The following FAT2 variants were observed in gnomAD, a reference collection of about 807,000 sequenced individuals.
The protein encoded by FAT2 is FAT atypical cadherin 2.
FAT2 carries 150 observed loss-of-function variants against 295.3 expected under a neutral mutation model. The observed-to-expected ratio is 0.51, with a 90% CI of 0.44 to 0.58. The LOEUF (loss-of-function observed/expected upper bound fraction) is 0.58. FAT2 is among the 20% of genes least tolerant of loss of function. FAT2 has a pLI of 0.00. For synonymous variants in FAT2, 2,026 were observed against 2,150.3 expected (o/e 0.94, Z 1.60); for missense variants, 4,868 against 5,442.7 (o/e 0.89, Z 3.32).
Position 151,544,806 on chromosome 5 carries a change from A to G in FAT2, c.6321T>C (p.Tyr2107=), listed in dbSNP as rs2127610568. 1 of 1,614,192 alleles carries G rather than the reference A, an allele frequency of 6.2e-7. No individual in the cohort carries two copies. The change falls in exon 10 of 24, where the codon TAT becomes TAC. Residue 2107 remains tyrosine (Y), a synonymous_variant. Transcript: ENST00000261800. ...EDLGTNGAVT[Y]EFAEDYTYFR... is the part of the protein sequence containing the mutation. ...AATATGTGTAATCTTCTGCAAATTC[A>G]TATGTAACAGCCCCATTTGTCCCCA...
chr5:151,564,853 A>G (rs924272003), intron 2 of FAT2, among the ~76,000 whole-genome samples: 7 of 151,996 alleles, frequency 4.6e-5, no homozygotes, highest in African/African-American at 1.7e-4. Flanking sequence ...CGGGTGGATC[A>G]CCTGAGGTCA....
At chr5:151,569,150 C>A (rs1251981839) in intron 1 of FAT2, among the ~76,000 whole-genome samples, 199 bp from the exon 2 acceptor site, 3 of 152,148 alleles carry the variant, frequency 2.0e-5, no homozygotes, top group Non-Finnish European at 4.4e-5. Flanking sequence ...AAACAACCTA[C>A]AATGCATAGG....
rs1756965617 is a variant in FAT2, at chr5:151,549,329, T to TC, written c.4754dup (p.Val1586SerfsTer4). 6.2e-7 allele frequency: 1 copy of TC among 1,613,412 alleles called. No homozygotes were observed. The highest frequency in any genetic ancestry group is 8.5e-7 in the Non-Finnish European group (1 of 1,180,000). ...GGGAGTAGTGGACCTCAGCATTGACTCCCCGGTCAGCATCCATGGCTCGGA... is the reference window on the plus strand; with the variant it reads ...GGGAGTAGTGGACCTCAGCATTGACTCCCCCGGTCAGCATCCATGGCTCGGA... On this transcript the variant is annotated frameshift_variant, in exon 9 of 24. Transcript: ENST00000261800. LOFTEE classifies it high-confidence loss of function.
intron 1 of FAT2, among the ~76,000 whole-genome samples, chr5:151,580,144 C>T (rs115995130): frequency 0.014 from 2,062 of 152,338 alleles, 46 homozygotes; most frequent in African/African-American, 0.048. Context: ...GCTCCCCATC[C>T]TGGCATTTTG....
chr5:151,568,190 G>A lies in FAT2; in HGVS notation c.742C>T (p.Pro248Ser), dbSNP rs3734061. The A allele has an allele frequency of 7.8e-3, 12,641 of 1,613,950 alleles. 67 individuals carry two copies. The highest frequency in any genetic ancestry group is 0.012 in the East Asian group (529 of 44,882). ...SLAALVVHVE[P>S]ALRKPPAIAS... ...ATGGCTGGGGGCTTCCTGAGGGCAGGCTCCACATGAACCACAAGTGCAGCC... is the reference window on the plus strand; with the variant it reads ...ATGGCTGGGGGCTTCCTGAGGGCAGACTCCACATGAACCACAAGTGCAGCC... Residue 248 changes from proline (P) to serine (S), a missense_variant, in exon 2 of 24, where the codon CCT (proline) becomes TCT (serine). Physicochemically the swap from Pro to Ser is moderately conservative, Grantham distance 74. Around this residue, in one of 5 missense-constraint regions of FAT2, gnomAD observed 3,297 missense variants for 3,669.4 expected, o/e 0.90. Transcript: ENST00000261800.
chr5:151,535,040 A>G (rs1051104603), intron 12 of FAT2, among the ~76,000 whole-genome samples: 2 of 147,196 alleles, frequency 1.4e-5, no homozygotes, highest in Admixed American at 6.8e-5. Context: ...ATAAAAATCT[A>G]TGTATAAGGA....
intron 22 of FAT2, among the ~76,000 whole-genome samples, chr5:151,508,060 G>T (rs551407964): frequency 7.9e-5 from 12 of 152,170 alleles, no homozygotes; most frequent in Non-Finnish European, 1.8e-4. Context: ...GTCCTGCACA[G>T]ATCAGCCACC....
chr5:151,507,931 C>T (rs1390247544), intron 22 of FAT2, among the ~76,000 whole-genome samples: 3 of 152,196 alleles, frequency 2.0e-5, no homozygotes, highest in Non-Finnish European at 4.4e-5. Flanking sequence ...GCAGTAGAGA[C>T]ATCGACTCTC....
intron 1 of FAT2, among the ~76,000 whole-genome samples, chr5:151,585,867 T>C (rs1759148487): frequency 6.6e-6 from 1 of 152,234 alleles, no homozygotes; most frequent in Admixed American, 6.5e-5. Flanking sequence ...TTGTGCCGAC[T>C]ATGCTAAACA....
intron 1 of FAT2, among the ~76,000 whole-genome samples, chr5:151,579,187 C>T (rs1758851988): frequency 6.6e-6 from 1 of 152,146 alleles, no homozygotes; most frequent in Admixed American, 6.5e-5. Context: ...ATCTATTGTA[C>T]AACATGGTAA....
In FAT2 at chr5:151,566,210, CAG is replaced by C; in HGVS notation, c.2720_2721del (p.Ser907CysfsTer3). 1 of 1,614,140 alleles carries C rather than the reference CAG, an allele frequency of 6.2e-7. No homozygotes were observed. Among genetic ancestry groups the C allele is most frequent in the Non-Finnish European group, 8.5e-7 (1 of 1,180,030 alleles). On this transcript the variant is annotated frameshift_variant, in exon 2 of 24. Transcript: ENST00000261800. LOFTEE classifies it high-confidence loss of function. ...TCCAATGTGATTATCAGGTCAGTGA[CAG>C]AGAAGAGCTGGTGGCCTTTGCTGGG... ...DQPSKGHQLFSVTDLIITLED... is the reference protein window; with the variant it reads ...DQPSKGHQLFXVTDLIITLED...
chr5:151,532,397 A>G lies in FAT2; in HGVS notation c.9428-427T>C, dbSNP rs1297941650. On this transcript the variant is annotated intron_variant, in intron 13 of 23. Transcript: ENST00000261800. ...TAAGTGTGCGTGTACAAACACACAC[A>G]CACACACACACACACACACACGCAA... 8.4e-5 allele frequency among the ~76,000 whole-genome samples: 3 copies of G among 35,528 alleles called. No individual in the cohort carries two copies. In the East Asian group the frequency reaches 2.7e-3, roughly 32 times the overall value. 23.3% of individuals were successfully genotyped at this position (35,528 alleles called of 152,430 possible). A position where few individuals can be genotyped will look rare whatever the true frequency, so the allele number is the denominator to read the frequency against.
chr5:151,538,000 A>G, intron 11 of FAT2, 54 bp from the exon 12 acceptor site: 1 of 1,521,446 alleles, frequency 6.6e-7, no homozygotes, highest in East Asian at 2.3e-5. Context: ...ATTCAGATCC[A>G]GAGAGAAGCA....
In FAT2 at chr5:151,507,460, G is replaced by A. The variant is rs768392091; in HGVS notation, c.12211C>T (p.Arg4071Cys). The change falls in exon 23 of 24, where the codon CGC (arginine) becomes TGC (cysteine). Residue 4071 changes from arginine to cysteine, a missense_variant. By Grantham distance (180) the Arg-to-Cys change is radical. Coordinates refer to ENST00000261800, the MANE Select transcript of FAT2 (RefSeq NM_001447.3). ...ISTVGLLFYC[R>C]RCKSHKPVAM... is the part of the protein sequence containing the mutation. ...ACAGGCTTGTGAGACTTGCAACGGC[G>A]GCAGTAGAAGAGAAGCCCGACAGTG... The A allele has an allele frequency of 1.2e-5, 20 of 1,614,016 alleles. No homozygotes were observed. The highest frequency in any genetic ancestry group is 3.3e-4 in the Middle Eastern group (2 of 6,084).
At chr5:151,550,257 G>A (rs931220506) in intron 8 of FAT2, among the ~76,000 whole-genome samples, 1 of 152,178 alleles carries the variant, frequency 6.6e-6, no homozygotes, top group African/African-American at 2.4e-5. Flanking sequence ...CTCTCAGTGG[G>A]AGAGGCTCTG....
chr5:151,587,660 A>G (rs1198782081), intron 1 of FAT2, among the ~76,000 whole-genome samples: 1 of 152,158 alleles, frequency 6.6e-6, no homozygotes, highest in African/African-American at 2.4e-5. Flanking sequence ...ACCCCAAGAT[A>G]TTAAACCACC....
rs750860321 is a variant in FAT2 at position 151,521,873 on chromosome 5, G to C, written c.10720C>G (p.Leu3574Val). 1.9e-6 allele frequency: 3 copies of C among 1,614,184 alleles called. No individual in the cohort carries two copies. The South Asian group carries it at 3.3e-5, about 18-fold the overall frequency. The change falls in exon 19 of 24, where the codon CTG becomes GTG. Residue 3574 changes from leucine (L) to valine (V), a missense_variant. By Grantham distance (32) the Leu-to-Val change is conservative (BLOSUM62 1). Around this residue, in one of 5 missense-constraint regions of FAT2, gnomAD observed 1,046 missense variants for 1,210.1 expected, o/e 0.86. Transcript: ENST00000261800. ...LTYSLAEEETLGRHFSVGAPD... is the reference protein window; with the variant it reads ...LTYSLAEEETVGRHFSVGAPD... ...GCACCCACTGAGAAGTGCCTGCCCAGGGTCTCCTCTTCTGCCAGGCTATAG... is the reference window on the plus strand; with the variant it reads ...GCACCCACTGAGAAGTGCCTGCCCACGGTCTCCTCTTCTGCCAGGCTATAG...
intron 3 of FAT2, among the ~76,000 whole-genome samples, chr5:151,559,889 T>C (rs1021836199): frequency 3.2e-4 from 48 of 152,144 alleles, no homozygotes; most frequent in Admixed American, 8.5e-4. Context: ...ACCACCTCCA[T>C]AGGGCTGTGT....
At position 151,557,938 on chromosome 5, in the gene FAT2, G is replaced by T. The variant is rs140408826; in HGVS notation, c.3575-1536C>A. Among the ~76,000 whole-genome samples the T allele has an allele frequency of 2.2e-3, 337 of 152,212 alleles. 3 individuals carry two copies. Among genetic ancestry groups the T allele is most frequent in the African/African-American group, 7.7e-3 (319 of 41,544 alleles). On this transcript the variant is annotated intron_variant, in intron 3 of 23. Transcript: ENST00000261800. ...TGCCAACCCCCAGCTCCAGCCTCAGGTTCCTTACAGGGGACCCACTAATCC... is the reference window on the plus strand; with the variant it reads ...TGCCAACCCCCAGCTCCAGCCTCAGTTTCCTTACAGGGGACCCACTAATCC...
Sources: allele counts gnomAD v4.1 joint callset (sites outside exome capture counted in the v4.1 genomes callset), GRCh38; gene constraint gnomAD v4.1.1; regional missense constraint gnomAD v4.1.1; transcripts MANE v1.5; gene names NCBI Gene and HGNC (gene_info 2026-07-23, HGNC 2026-07-21).